TASP1: variants seen among roughly 807,000 people sequenced by gnomAD.
TASP1 encodes the protein taspase 1.
A neutral mutation model predicts 56.6 loss-of-function variants in TASP1; 16 were observed. That is an observed-to-expected ratio of 0.28 (90% CI 0.19 to 0.43). TASP1 has a LOEUF of 0.43. TASP1 is among the 20% of genes least tolerant of loss of function. The probability of loss-of-function intolerance (pLI) is 1.00; values close to 1 mark genes in which losing one functional copy is unlikely to be tolerated. For missense variants in TASP1, 393 were observed against 511.6 expected, an observed-to-expected ratio of 0.77 and a Z score of 2.24; for synonymous variants, 179 against 184.2, an observed-to-expected ratio of 0.97 and a Z score of 0.23.
intron 7 of TASP1, among the ~76,000 whole-genome samples, chr20:13,562,915 A>ATATATGTG (rs1268813401): frequency 6.4e-4 from 82 of 128,680 alleles, no homozygotes; most frequent in African/African-American, 2.3e-3. Context: ...ACATATATAT[A>ATATATGTG]TGTGTGTGTG....
chr20:13,249,605 C>T, the TASP1 span, among the ~76,000 whole-genome samples: 1 of 152,212 alleles, frequency 6.6e-6, no homozygotes, highest in African/African-American at 2.4e-5. Flanking sequence ...TTATTATTTA[C>T]ACCACAGTCA....
intron 7 of TASP1, among the ~76,000 whole-genome samples, chr20:13,567,587 A>G (rs1450126235): frequency 6.6e-6 from 1 of 152,116 alleles, no homozygotes; most frequent in Non-Finnish European, 1.5e-5. Flanking sequence ...ATGCCCCAAG[A>G]TGCTTCATTG....
At chr20:13,522,057 C>T (rs757964411) in intron 10 of TASP1, among the ~76,000 whole-genome samples, 64 of 151,990 alleles carry the variant, frequency 4.2e-4, no homozygotes, top group Non-Finnish European at 7.5e-4. Flanking sequence ...GCCCCTATGG[C>T]GGGAGTGTGC....
the TASP1 span, among the ~76,000 whole-genome samples, chr20:13,364,920 A>AT: frequency 0.022 from 3,240 of 147,990 alleles, 80 homozygotes; most frequent in African/African-American, 0.06. Flanking sequence ...CCATTGAACT[A>AT]TTTTTTTTTT....
At chr20:13,464,286 A>T (rs1215104365) in intron 11 of TASP1, among the ~76,000 whole-genome samples, 2 of 152,156 alleles carry the variant, frequency 1.3e-5, no homozygotes, top group African/African-American at 2.4e-5. Context: ...AGGACACAGA[A>T]AACTCACAGA....
chr20:13,457,646 T>C (rs1300088347), intron 11 of TASP1, among the ~76,000 whole-genome samples: 2 of 152,150 alleles, frequency 1.3e-5, no homozygotes, highest in Admixed American at 1.3e-4. Flanking sequence ...ATTCAGGAAG[T>C]ATACAGTTTC....
At chr20:13,148,155 A>C in the TASP1 span, among the ~76,000 whole-genome samples, 8 of 152,296 alleles carry the variant, frequency 5.3e-5, no homozygotes, top group South Asian at 1.7e-3. Flanking sequence ...TGTCCTAAAC[A>C]TATTTTTGGA....
At chr20:13,406,983 A>T (rs1335800129) in intron 13 of TASP1, among the ~76,000 whole-genome samples, 2 of 152,090 alleles carry the variant, frequency 1.3e-5, no homozygotes, top group African/African-American at 4.8e-5. Flanking sequence ...GGTTTTTATC[A>T]TTCATGCAAG....
the TASP1 span, among the ~76,000 whole-genome samples, chr20:13,278,225 G>A: frequency 6.6e-6 from 1 of 152,178 alleles, no homozygotes; most frequent in Non-Finnish European, 1.5e-5. Flanking sequence ...TTGGAACCAA[G>A]AAGCTTCATT....
chr20:13,372,886 G>T, the TASP1 span, among the ~76,000 whole-genome samples: 1 of 151,738 alleles, frequency 6.6e-6, no homozygotes, highest in African/African-American at 2.4e-5. Flanking sequence ...ATTCCATCAA[G>T]AAACAGAAAT....
At chr20:13,246,272 C>CAA in the TASP1 span, among the ~76,000 whole-genome samples, 10 of 121,108 alleles carry the variant, frequency 8.3e-5, no homozygotes, top group South Asian at 2.7e-4. Context: ...GACTCCATCT[C>CAA]AAAAAAAAAA....
At chr20:13,185,391 G>A in the TASP1 span, among the ~76,000 whole-genome samples, 1 of 151,832 alleles carries the variant, frequency 6.6e-6, no homozygotes, top group Admixed American at 6.6e-5. Context: ...GCCTTCCTCA[G>A]GTACCTCTCA....
the TASP1 span, among the ~76,000 whole-genome samples, chr20:13,201,891 T>G: frequency 6.6e-6 from 1 of 151,970 alleles, no homozygotes. Context: ...GTAGCTGGTA[T>G]TACAGGCCTG....
chr20:13,338,897 T>C, the TASP1 span, among the ~76,000 whole-genome samples: 1 of 152,008 alleles, frequency 6.6e-6, no homozygotes, highest in African/African-American at 2.4e-5. Context: ...ATCACCACCA[T>C]CACCAATACA....
chr20:13,183,854 G>A, the TASP1 span, among the ~76,000 whole-genome samples: 4 of 151,550 alleles, frequency 2.6e-5, no homozygotes, highest in Non-Finnish European at 5.9e-5. Flanking sequence ...ATGGTGAAAC[G>A]CTGTCTCTAC....
the TASP1 span, among the ~76,000 whole-genome samples, chr20:13,273,511 T>C: frequency 6.6e-6 from 1 of 152,148 alleles, no homozygotes; most frequent in African/African-American, 2.4e-5. Flanking sequence ...GCGGGGATTA[T>C]AGACATGAGT....
At chr20:13,136,711 A>T in the TASP1 span, among the ~76,000 whole-genome samples, 2 of 147,526 alleles carry the variant, frequency 1.4e-5, no homozygotes, top group African/African-American at 2.5e-5. Context: ...ATATATATTT[A>T]TATATAATAT....
At chr20:13,235,934 C>T in the TASP1 span, among the ~76,000 whole-genome samples, 38,944 of 149,112 alleles carry the variant, frequency 0.26, 5,318 homozygotes, top group African/African-American at 0.35. Flanking sequence ...TCCCTTTTTT[C>T]TTTTTTTTGA....
the TASP1 span, among the ~76,000 whole-genome samples, chr20:13,118,962 T>C: frequency 6.6e-6 from 1 of 152,248 alleles, no homozygotes; most frequent in Non-Finnish European, 1.5e-5. Flanking sequence ...GCTCAAAGCA[T>C]TGTTTTTCAT....
Sources: allele counts gnomAD v4.1 joint callset (sites outside exome capture counted in the v4.1 genomes callset), GRCh38; gene constraint gnomAD v4.1.1; transcripts MANE v1.5; gene names NCBI Gene and HGNC (gene_info 2026-07-23, HGNC 2026-07-21).